Variants in NBEA observed in about 807,000 individuals in gnomAD.
NBEA encodes the protein neurobeachin.
In NBEA, 44 loss-of-function variants were observed where a neutral mutation model predicts 343.4. The observed-to-expected ratio is 0.13, with a 90% CI of 0.10 to 0.16. The LOEUF (loss-of-function observed/expected upper bound fraction) is 0.16, where lower values mean the gene tolerates loss of function less well. Ranked by LOEUF, NBEA falls within the 10% of genes least tolerant of loss-of-function variation. The pLI is 1.00. For missense variants in NBEA, 2,555 were observed against 3,631.3 expected (o/e 0.70, Z 7.62); for synonymous variants, 1,175 against 1,238.7 (o/e 0.95, Z 1.08).
chr13:35,643,882 A>G (rs1445012812), intron 49 of NBEA, among the ~76,000 whole-genome samples: 1 of 152,148 alleles, frequency 6.6e-6, no homozygotes, highest in East Asian at 1.9e-4. Context: ...GGACCTGCAC[A>G]CTTGACAAGA....
At chr13:35,441,904 C>T (rs754579230) in intron 39 of NBEA, among the ~76,000 whole-genome samples, 1 of 151,518 alleles carries the variant, frequency 6.6e-6, no homozygotes, top group Non-Finnish European at 1.5e-5. Context: ...CCCTGTCAGC[C>T]CACTCTCAAG....
In NBEA at chr13:34,942,957, G is replaced by C. The variant is rs1442006360; in HGVS notation, c.137G>C (p.Arg46Thr). The C allele has an allele frequency of 6.3e-7, 1 of 1,598,302 alleles. No individual in the cohort carries two copies. The highest frequency in any genetic ancestry group is 1.7e-5 in the Admixed American group (1 of 59,040). Reference sequence around the variant, plus strand: ...GGGGGCAGCGGGATGGGGGAGCTAAGGGGGGCGTCCGGCTCCGGCTCGGTG... The same window carrying C: ...GGGGGCAGCGGGATGGGGGAGCTAACGGGGGCGTCCGGCTCCGGCTCGGTG... ...GTGGSGMGEL[R>T]GASGSGSVML... Residue 46 changes from arginine to threonine, a missense_variant, in exon 1 of 59, where the codon AGG becomes ACG. Physicochemically the swap from Arg to Thr is moderately conservative, Grantham distance 71. Coordinates refer to ENST00000379939, the MANE Select transcript of NBEA (RefSeq NM_001385012.1).
intron 10 of NBEA, among the ~76,000 whole-genome samples, chr13:35,080,384 A>G (rs947159690): frequency 1.3e-5 from 2 of 152,098 alleles, no homozygotes; most frequent in Non-Finnish European, 2.9e-5. Flanking sequence ...GTAGTCAGGG[A>G]CTTGAGTGGG....
At chr13:35,562,922 T>C (rs1043648491) in intron 44 of NBEA, among the ~76,000 whole-genome samples, 3 of 152,048 alleles carry the variant, frequency 2.0e-5, no homozygotes, top group Admixed American at 6.6e-5. Context: ...AAAACCAAAG[T>C]GCCATATAAA....
intron 47 of NBEA, among the ~76,000 whole-genome samples, chr13:35,596,286 T>C (rs1203737352): frequency 6.6e-6 from 1 of 152,066 alleles, no homozygotes; most frequent in Non-Finnish European, 1.5e-5. Flanking sequence ...CAGAGAAAAA[T>C]ATGTTGCTAC....
In NBEA at chr13:34,942,884, G is replaced by A; in HGVS notation, c.64G>A (p.Val22Ile). 1.4e-6 allele frequency: 2 copies of A among 1,452,058 alleles called. No individual in the cohort carries two copies. The highest frequency in any genetic ancestry group is 2.4e-5 in the Admixed American group (1 of 42,510). 89.9% of individuals were successfully genotyped at this position (1,452,058 alleles called of 1,614,324 possible). Residue 22 changes from valine (V) to isoleucine (I), a missense_variant, in exon 1 of 59, where the codon GTC (valine) becomes ATC (isoleucine). Around this residue, in one of 21 missense-constraint regions of NBEA, gnomAD observed 122 missense variants for 91.0 expected, o/e 1.34. Coordinates refer to ENST00000379939, the MANE Select transcript of NBEA (RefSeq NM_001385012.1). ...LEPQPVGLIA[V>I]GAAGGGGGGS... ...GCCTCAGCCCGTGGGGCTCATTGCCGTCGGGGCCGCTGGCGGAGGCGGCGG... is the reference window on the plus strand; with the variant it reads ...GCCTCAGCCCGTGGGGCTCATTGCCATCGGGGCCGCTGGCGGAGGCGGCGG...
intron 48 of NBEA, among the ~76,000 whole-genome samples, chr13:35,619,162 TAACATAAGAATTTTTGGAAG>T (rs2082869299): frequency 6.6e-6 from 1 of 151,634 alleles, no homozygotes; most frequent in Non-Finnish European, 1.5e-5. Context: ...TTTAAGCAAA[TAACATAAGAATTTTTGGAAG>T]TCTTATGTAG....
At chr13:35,312,412 G>A (rs1233389863) in intron 36 of NBEA, among the ~76,000 whole-genome samples, 1 of 152,186 alleles carries the variant, frequency 6.6e-6, no homozygotes, top group African/African-American at 2.4e-5. Flanking sequence ...AGCGGCAAGA[G>A]AATAGTGAGA....
chr13:35,120,472 T>C (rs536704841), intron 16 of NBEA, among the ~76,000 whole-genome samples: 12 of 152,296 alleles, frequency 7.9e-5, no homozygotes, highest in Admixed American at 3.9e-4. Context: ...AATAGGCTTA[T>C]TAGATAGAAA....
intron 41 of NBEA, among the ~76,000 whole-genome samples, chr13:35,501,227 A>C (rs1271833071): frequency 4.6e-5 from 7 of 152,100 alleles, no homozygotes. Flanking sequence ...CCTCAGTATT[A>C]ATTTGATGTG....
In NBEA at chr13:35,290,429, T is replaced by A. The variant is rs760611152; in HGVS notation, c.5817T>A (p.Leu1939=). Residue 1939 remains leucine (L), a synonymous_variant, in exon 35 of 59, where the codon CTT becomes CTA. Transcript: ENST00000379939. The part of the protein sequence containing the change: ...CMKSSTSVVE[L]VMLLCSQEWQ... ...AGTCCAGCACATCTGTGGTTGAGCT[T>A]GTTATGCTGCTTTGTTCTCAGGTAC... 1.2e-6 allele frequency: 2 copies of A among 1,607,376 alleles called. No homozygotes were observed. The highest frequency in any genetic ancestry group is 2.2e-5 in the South Asian group (2 of 90,690).
At chr13:35,512,554 A>G (rs1047663493) in intron 41 of NBEA, among the ~76,000 whole-genome samples, 1 of 152,190 alleles carries the variant, frequency 6.6e-6, no homozygotes, top group Admixed American at 6.5e-5. Flanking sequence ...TCTTCTCAAC[A>G]GATAATCTTC....
chr13:35,315,351 G>A lies in NBEA; in HGVS notation c.5903+5759G>A, dbSNP rs191348828. ...CTGAATTAAAGTACTCCCTGGGACC[G>A]GCTGAAATTATACACTGGATCATTT... is the stretch of plus-strand genomic sequence containing the variant. On this transcript the variant is annotated intron_variant, in intron 36 of 58. Coordinates refer to ENST00000379939, the MANE Select transcript of NBEA (RefSeq NM_001385012.1). 1.1e-4 allele frequency among the ~76,000 whole-genome samples: 17 copies of A among 152,170 alleles called. No homozygotes were observed. The East Asian group carries it at 3.1e-3, about 28-fold the overall frequency.
At chr13:35,297,478 G>A (rs915957915) in intron 35 of NBEA, among the ~76,000 whole-genome samples, 15 of 151,944 alleles carry the variant, frequency 9.9e-5, no homozygotes, top group Non-Finnish European at 1.8e-4. Flanking sequence ...TCTGCCAATG[G>A]AGAAAATAAG....
chr13:34,951,501 T>C (rs1301783797), intron 1 of NBEA, among the ~76,000 whole-genome samples: 1 of 152,212 alleles, frequency 6.6e-6, no homozygotes, highest in Non-Finnish European at 1.5e-5. Flanking sequence ...TAACTGAAAG[T>C]GATCTGTCCT....
At position 35,322,179 on chromosome 13, in the gene NBEA, C is replaced by G. The variant is rs557383396; in HGVS notation, c.5903+12587C>G. On this transcript the variant is annotated intron_variant, in intron 36 of 58. Transcript: ENST00000379939. The stretch of plus-strand genomic sequence containing the variant: ...ACTCCTGCAGCTAGCTCAGTGTCTG[C>G]CCAAACGGCTGTCCAGTTTTGTGCT... Among the ~76,000 whole-genome samples, 91 of 152,310 alleles carry G rather than the reference C, an allele frequency of 6.0e-4. 1 individual carries two copies. The highest frequency in any genetic ancestry group is 2.1e-3 in the African/African-American group (89 of 41,572).
chr13:35,168,373 C>T (rs895700557), intron 24 of NBEA, among the ~76,000 whole-genome samples: 4 of 151,180 alleles, frequency 2.6e-5, no homozygotes, highest in Admixed American at 1.3e-4. Flanking sequence ...TATTTAATTA[C>T]CTTTATTCAT....
chr13:35,652,610 C>T (rs1193733356), intron 53 of NBEA, among the ~76,000 whole-genome samples: 1 of 145,194 alleles, frequency 6.9e-6, no homozygotes, highest in Non-Finnish European at 1.5e-5. Context: ...CACTGCACTC[C>T]AGCCTGGGTG....
intron 44 of NBEA, among the ~76,000 whole-genome samples, chr13:35,562,312 C>T (rs9544647): frequency 0.34 from 51,411 of 151,760 alleles, 10,502 homozygotes; most frequent in Middle Eastern, 0.5. Flanking sequence ...CCCAAATTGA[C>T]CTGATTTCTG....
Sources: allele counts gnomAD v4.1 joint callset (sites outside exome capture counted in the v4.1 genomes callset), GRCh38; gene constraint gnomAD v4.1.1; regional missense constraint gnomAD v4.1.1; transcripts MANE v1.5; gene names NCBI Gene and HGNC (gene_info 2026-07-23, HGNC 2026-07-21).